The following NSD1 variants were observed in gnomAD, a reference collection of about 807,000 sequenced individuals.
The protein encoded by NSD1 is histone-lysine N-methyltransferase, H3 lysine-36 specific.
A neutral mutation model predicts 242.7 loss-of-function variants in NSD1; 26 were observed. The observed-to-expected ratio is 0.11, with a 90% CI of 0.08 to 0.15. NSD1 has a LOEUF of 0.15. Among genes scored for constraint, NSD1 ranks in the 10% least tolerant of loss-of-function variants. The pLI is 1.00. For synonymous variants in NSD1, 1,106 were observed against 1,178.1 expected (o/e 0.94, Z 1.25); for missense variants, 2,495 against 3,272.8 (o/e 0.76, Z 5.80).
chr5:177,133,469 A>G (rs1756004741), upstream of NSD1: 1 of 151,262 alleles, frequency 6.6e-6, no homozygotes, highest in South Asian at 2.1e-4. This position sits in a 1 kb window ranked among gnomAD's most constrained non-coding sequence, Gnocchi z 6.2. Flanking sequence ...GAGGCGCGCG[A>G]GGCCCCTGGG....
At position 177,293,534 on chromosome 5, in the gene NSD1, G is replaced by GC. The variant is rs149890561; in HGVS notation, c.6464-290dup. 0.16 allele frequency among the ~76,000 whole-genome samples: 12,239 copies of GC among 78,562 alleles called. 755 individuals are homozygous for GC. The highest frequency in any genetic ancestry group is 0.2 in the Non-Finnish European group (8,323 of 40,892). The allele number at this position is 78,562 out of a possible 152,430, so 51.5% of individuals were successfully genotyped here. A position where few individuals can be genotyped will look rare whatever the true frequency, so the allele number is the denominator to read the frequency against. On this transcript the variant is annotated intron_variant, in intron 22 of 22. Coordinates refer to ENST00000439151, the MANE Select transcript of NSD1 (RefSeq NM_022455.5). ...GAAACTTTTTGTTGTCCCCACCCCC[G>GC]CCCCCCCCTCACCTCCTTGCTGGAA...
chr5:177,275,435 C>CTTTTTT (rs749631943), intron 17 of NSD1, among the ~76,000 whole-genome samples: 1 of 50,144 alleles, frequency 2.0e-5, no homozygotes, highest in Non-Finnish European at 3.4e-5. Context: ...CTTCCCTTGT[C>CTTTTTT]TTTTTTTTTT....
intron 3 of NSD1, 32 bp downstream of exon 3, chr5:177,192,051 G>A: frequency 6.2e-7 from 1 of 1,602,682 alleles, no homozygotes; most frequent in Non-Finnish European, 8.5e-7. Flanking sequence ...CATGTTAAAG[G>A]CAGTTGCCTT....
chr5:177,289,333 A>G (rs942195484), intron 21 of NSD1, among the ~76,000 whole-genome samples: 6 of 152,096 alleles, frequency 3.9e-5, no homozygotes, highest in African/African-American at 1.4e-4. Context: ...AAAAAAAAAG[A>G]AAAATTCAAT....
At chr5:177,185,487 A>C (rs1761032029) in intron 2 of NSD1, among the ~76,000 whole-genome samples, 2 of 150,536 alleles carry the variant, frequency 1.3e-5, no homozygotes, top group African/African-American at 2.4e-5. Context: ...AATCCCAGCT[A>C]CTCGGGAGGC....
chr5:177,274,826 C>T (rs1758234770), intron 17 of NSD1, among the ~76,000 whole-genome samples: 1 of 151,896 alleles, frequency 6.6e-6, no homozygotes, highest in Non-Finnish European at 1.5e-5. Flanking sequence ...ATCCATCTCC[C>T]AGGTTCAAGC....
intron 16 of NSD1, among the ~76,000 whole-genome samples, chr5:177,272,749 G>A (rs999390443): frequency 6.6e-5 from 10 of 152,092 alleles, no homozygotes; most frequent in Non-Finnish European, 1.2e-4. Context: ...CTGGCATGGT[G>A]GTGCATGCCT....
At position 177,260,286 on chromosome 5, in the gene NSD1, A is replaced by G. The variant is rs377484441; in HGVS notation, c.5146+118A>G. On this transcript the variant is annotated intron_variant, in intron 14 of 22. Coordinates refer to ENST00000439151, the MANE Select transcript of NSD1 (RefSeq NM_022455.5). Reference sequence around the variant, plus strand: ...TGGAAAAAATATTAGAAATGATACTATTCATCTGCCATTCAGGAAATGATG... The same window carrying G: ...TGGAAAAAATATTAGAAATGATACTGTTCATCTGCCATTCAGGAAATGATG... The G allele has an allele frequency of 3.4e-4, 297 of 871,774 alleles. No homozygotes were observed. In the African/African-American group the frequency reaches 4.4e-3, roughly 13 times the overall value. The allele number at this position is 871,774 out of a possible 1,614,324, so 54.0% of individuals were successfully genotyped here.
At chr5:177,265,492 A>T in intron 14 of NSD1, 1 of 645,992 alleles carries the variant, frequency 1.5e-6, no homozygotes, top group South Asian at 1.9e-5. Context: ...AGGGAGGGAG[A>T]GAGAGAGGAA....
chr5:177,199,579 A>ATTTTCTTTTCTTTTCTTTTC (rs372397508), intron 3 of NSD1, among the ~76,000 whole-genome samples: 1 of 127,730 alleles, frequency 7.8e-6, no homozygotes, highest in African/African-American at 3.7e-5. Flanking sequence ...TCAACTTAAT[A>ATTTTCTTTTCTTTTCTTTTC]TTTTCTTTTC....
chr5:177,209,622 C>A lies in NSD1; in HGVS notation c.1237-14C>A. ...TTTGATAAGTGATAATTCTTTTTCTCCTTTAAATTTAAGGTTCCTCAGAAA... is the reference window on the plus strand; with the variant it reads ...TTTGATAAGTGATAATTCTTTTTCTACTTTAAATTTAAGGTTCCTCAGAAA... On this transcript the variant is annotated splice_polypyrimidine_tract_variant and intron_variant, in intron 4 of 22. Transcript: ENST00000439151. 1 of 1,603,242 alleles carries A rather than the reference C, an allele frequency of 6.2e-7. No individual in the cohort carries two copies. The highest frequency in any genetic ancestry group is 1.7e-5 in the Admixed American group (1 of 59,846).
At chr5:177,164,399 C>T (rs1368986120) in intron 2 of NSD1, among the ~76,000 whole-genome samples, 11 of 151,776 alleles carry the variant, frequency 7.2e-5, no homozygotes, top group African/African-American at 2.2e-4. Context: ...TCAGGTGATC[C>T]GCCTGCCTCG....
In NSD1 at chr5:177,211,182, T is replaced by C. The variant is rs758474473; in HGVS notation, c.2783T>C (p.Met928Thr). ...HDSKTKEQRLMTAQNLVSYRS... is the reference protein window; with the variant it reads ...HDSKTKEQRLTTAQNLVSYRS... ...AGTAAGACGAAGGAGCAGCGGTTGA[T>C]GACTGCTCAAAACCTGGTCTCTTAC... Residue 928 changes from methionine (M) to threonine (T), a missense_variant, in exon 5 of 23, where the codon ATG becomes ACG. By Grantham distance (81) the Met-to-Thr change is moderately conservative (BLOSUM62 -1). Transcript: ENST00000439151. 2 of 1,614,198 alleles carry C rather than the reference T, an allele frequency of 1.2e-6. No individual in the cohort carries two copies. The highest frequency in any genetic ancestry group is 1.7e-6 in the Non-Finnish European group (2 of 1,180,014).
chr5:177,275,832 G>T (rs28611501), intron 17 of NSD1, among the ~76,000 whole-genome samples: 130,310 of 152,218 alleles, frequency 0.86, 56,258 homozygotes, highest in Middle Eastern at 0.91. Flanking sequence ...TTACAAGATA[G>T]AGGAAAAGTA....
intron 17 of NSD1, among the ~76,000 whole-genome samples, chr5:177,276,930 A>G (rs1452952478): frequency 6.6e-6 from 1 of 152,206 alleles, no homozygotes; most frequent in Non-Finnish European, 1.5e-5. Flanking sequence ...GAGTCTCACA[A>G]TGTATGTGAA....
At chr5:177,218,694 AG>A (rs1763989317) in intron 5 of NSD1, among the ~76,000 whole-genome samples, 1 of 151,328 alleles carries the variant, frequency 6.6e-6, no homozygotes, top group African/African-American at 2.4e-5. Flanking sequence ...CGGCTTCCTG[AG>A]TAGCTGGGAC....
In NSD1 at chr5:177,163,562, T is replaced by C. The variant is rs116026414; in HGVS notation, c.927+27532T>C. Among the ~76,000 whole-genome samples, 376 of 152,310 alleles carry C rather than the reference T, an allele frequency of 2.5e-3. 2 individuals are homozygous for C. Among genetic ancestry groups the C allele is most frequent in the African/African-American group, 8.7e-3 (361 of 41,570 alleles). On this transcript the variant is annotated intron_variant, in intron 2 of 22. Coordinates refer to ENST00000439151, the MANE Select transcript of NSD1 (RefSeq NM_022455.5). ...GTGCTTGCCTTAGACAAAGAACCTC[T>C]CAACCTTAGTTTTTAATCTATAAGG...
At position 177,168,316 on chromosome 5, in the gene NSD1, G is replaced by A. The variant is rs1051755599; in HGVS notation, c.928-23568G>A. ...AGGATTGAATGCATTTTCAACTTAT[G>A]ATATTTTTGACTTATGATGGGTTTG... On this transcript the variant is annotated intron_variant, in intron 2 of 22. Transcript: ENST00000439151. 5.3e-5 allele frequency among the ~76,000 whole-genome samples: 8 copies of A among 152,112 alleles called. No homozygotes were observed. In the South Asian group the frequency reaches 1.7e-3, roughly 32 times the overall value.
At chr5:177,227,677 T>C (rs1764736984) in intron 5 of NSD1, among the ~76,000 whole-genome samples, 1 of 152,128 alleles carries the variant, frequency 6.6e-6, no homozygotes. Context: ...TGACCTCAGG[T>C]GATCCCGCTC....
Sources: allele counts gnomAD v4.1 joint callset (sites outside exome capture counted in the v4.1 genomes callset), GRCh38; gene constraint gnomAD v4.1.1; non-coding constraint Gnocchi (gnomAD v3.1); transcripts MANE v1.5; gene names NCBI Gene and HGNC (gene_info 2026-07-23, HGNC 2026-07-21).